The following ARHGEF37 variants were observed in gnomAD, a reference collection of about 807,000 sequenced individuals.
ARHGEF37 encodes Rho guanine nucleotide exchange factor (GEF) 37.
Under a neutral mutation model 71.1 loss-of-function variants are expected in ARHGEF37, and 55 were observed. The ratio of observed to expected loss-of-function variants is 0.77; its 90% CI spans 0.62 to 0.97. The LOEUF is 0.97. Among genes scored for constraint, ARHGEF37 ranks in the 50% least tolerant of loss-of-function variants. ARHGEF37 has a pLI of 0.00. For missense variants in ARHGEF37, 765 were observed against 836.8 expected (o/e 0.91, Z 1.06); for synonymous variants, 327 against 350.6 (o/e 0.93, Z 0.75).
At chr5:149,610,915 T>C (rs966641310) in intron 4 of ARHGEF37, among the ~76,000 whole-genome samples, 2 of 152,256 alleles carry the variant, frequency 1.3e-5, no homozygotes, top group African/African-American at 4.8e-5. Context: ...AGCTCATACT[T>C]CTGCATATTA....
At position 149,621,995 on chromosome 5, in the gene ARHGEF37, C is replaced by T; in HGVS notation, c.1268C>T (p.Thr423Ile). 1 of 1,614,174 alleles carries T rather than the reference C, an allele frequency of 6.2e-7. No individual in the cohort carries two copies. The highest frequency in any genetic ancestry group is 2.2e-5 in the East Asian group (1 of 44,888). The change falls in exon 9 of 13, where the codon ACA (threonine) becomes ATA (isoleucine). Residue 423 changes from threonine (T) to isoleucine (I), a missense_variant. Thr to Ile is a moderately conservative substitution (Grantham distance 89, BLOSUM62 -1). Around this residue, in one of 5 missense-constraint regions of ARHGEF37, gnomAD observed 390 missense variants for 407.4 expected, o/e 0.96. Coordinates refer to ENST00000333677, the MANE Select transcript of ARHGEF37 (RefSeq NM_001001669.3). Reference protein sequence around the residue: ...VMQWLGQIMCTFVTLQRDLAK... With the variant: ...VMQWLGQIMCIFVTLQRDLAK... ...CAGTGGCTGGGCCAGATCATGTGCACATTCGTGACCCTCCAGAGGGACCTT... is the reference window on the plus strand; with the variant it reads ...CAGTGGCTGGGCCAGATCATGTGCATATTCGTGACCCTCCAGAGGGACCTT...
chr5:149,601,322 A>G (rs1763749639), intron 3 of ARHGEF37, 91 bp downstream of exon 3: 5 of 1,446,846 alleles, frequency 3.5e-6, no homozygotes, highest in Non-Finnish European at 4.7e-6. Flanking sequence ...CCAGAGTTCC[A>G]GAGAAATGCA....
chr5:149,618,330 A>G (rs1223453559), intron 6 of ARHGEF37, 24 bp downstream of exon 6: 2 of 1,613,782 alleles, frequency 1.2e-6, no homozygotes, highest in Non-Finnish European at 1.7e-6. Flanking sequence ...TGGGAGGAAG[A>G]GTCACATCCA....
At chr5:149,614,317 A>G (rs1443093960) in intron 4 of ARHGEF37, among the ~76,000 whole-genome samples, 2 of 152,048 alleles carry the variant, frequency 1.3e-5, no homozygotes, top group Non-Finnish European at 2.9e-5. Flanking sequence ...TGCCTCTCCA[A>G]GATCTTGCCA....
At chr5:149,600,792 A>C (rs536092301) in intron 2 of ARHGEF37, among the ~76,000 whole-genome samples, 1 of 152,122 alleles carries the variant, frequency 6.6e-6, no homozygotes, top group Non-Finnish European at 1.5e-5. Context: ...AGCACCCACC[A>C]CCATGCCGAG....
chr5:149,561,570 T>C (rs1175627192), intron 1 of ARHGEF37, among the ~76,000 whole-genome samples: 5 of 152,160 alleles, frequency 3.3e-5, no homozygotes, highest in African/African-American at 9.7e-5. Context: ...AGGGAGGAAA[T>C]TCAAGTCATC....
rs886964784 is a variant in ARHGEF37 at position 149,632,552 on chromosome 5, G to A, written c.*361G>A. On this transcript the variant is annotated 3_prime_UTR_variant, in exon 13 of 13. Transcript: ENST00000333677. ...CCTGCCTGTGGGCGTGGGTCACACGGGATAATGTTACCTGCGTGCTGTGTG... is the reference window on the plus strand; with the variant it reads ...CCTGCCTGTGGGCGTGGGTCACACGAGATAATGTTACCTGCGTGCTGTGTG... The A allele has an allele frequency of 3.9e-6, 1 of 258,316 alleles. No individual in the cohort carries two copies. Among genetic ancestry groups the A allele is most frequent in the African/African-American group, 2.1e-5 (1 of 46,700 alleles). 16.0% of individuals were successfully genotyped at this position (258,316 alleles called of 1,614,324 possible).
At chr5:149,583,493 C>G (rs911522538) in intron 1 of ARHGEF37, among the ~76,000 whole-genome samples, 5 of 152,112 alleles carry the variant, frequency 3.3e-5, no homozygotes, top group Non-Finnish European at 7.4e-5. Context: ...CTGAGCAGCA[C>G]CCACCCTTAT....
chr5:149,561,097 AC>A (rs1762822760), intron 1 of ARHGEF37, among the ~76,000 whole-genome samples: 1 of 151,832 alleles, frequency 6.6e-6, no homozygotes, highest in African/African-American at 2.4e-5. Flanking sequence ...ACATGGTGAA[AC>A]CCCTTCTCTA....
intron 3 of ARHGEF37, among the ~76,000 whole-genome samples, chr5:149,604,951 G>C (rs1763875169): frequency 6.6e-6 from 1 of 151,912 alleles, no homozygotes; most frequent in Non-Finnish European, 1.5e-5. Flanking sequence ...GGGAGACTGG[G>C]CATGGTGGCT....
intron 11 of ARHGEF37, among the ~76,000 whole-genome samples, chr5:149,627,873 G>T (rs1422478412): frequency 1.3e-5 from 2 of 152,278 alleles, no homozygotes; most frequent in South Asian, 2.1e-4. Context: ...TGAGATTATT[G>T]TCAGGGGATC....
chr5:149,621,969 G>C lies in ARHGEF37; in HGVS notation c.1242G>C (p.Met414Ile), dbSNP rs1268793978. The change falls in exon 9 of 13, where the codon ATG becomes ATC. Residue 414 changes from methionine (M) to isoleucine (I), a missense_variant. Met to Ile is a conservative substitution (Grantham distance 10). Coordinates refer to ENST00000333677, the MANE Select transcript of ARHGEF37 (RefSeq NM_001001669.3). The stretch of plus-strand genomic sequence containing the variant: ...TCCCACAGTTTAACCAGCTGGTCAT[G>C]CAGTGGCTGGGCCAGATCATGTGCA... ...AELPQFNQLV[M>I]QWLGQIMCTF... is the part of the protein sequence containing the mutation. 6.2e-7 allele frequency: 1 copy of C among 1,614,238 alleles called. No homozygotes were observed. Among genetic ancestry groups the C allele is most frequent in the Admixed American group, 1.7e-5 (1 of 60,030 alleles).
At position 149,633,122 on chromosome 5, in the gene ARHGEF37, G is replaced by C. The variant is rs577210162; in HGVS notation, c.*931G>C. ...CCCTGAGGTCCTGGAGGCAGCCGTGGATGTGATGCAATTGGCTGTGGGACC... is the reference window on the plus strand; with the variant it reads ...CCCTGAGGTCCTGGAGGCAGCCGTGCATGTGATGCAATTGGCTGTGGGACC... On this transcript the variant is annotated 3_prime_UTR_variant, in exon 13 of 13. Coordinates refer to ENST00000333677, the MANE Select transcript of ARHGEF37 (RefSeq NM_001001669.3). 1 of 152,588 alleles carries C rather than the reference G, an allele frequency of 6.6e-6. No homozygotes were observed. Among genetic ancestry groups the C allele is most frequent in the South Asian group, 2.1e-4 (1 of 4,828 alleles). 9.5% of individuals were successfully genotyped at this position (152,588 alleles called of 1,614,324 possible).
chr5:149,624,303 G>T lies in ARHGEF37; in HGVS notation c.1464+163G>T, dbSNP rs561602827. On this transcript the variant is annotated intron_variant, in intron 10 of 12. Coordinates refer to ENST00000333677, the MANE Select transcript of ARHGEF37 (RefSeq NM_001001669.3). ...TCTCCTTTCTATTTGAGCTGGGGTG[G>T]GGGGACACACCCAGATACATACACA... is the stretch of plus-strand genomic sequence containing the variant. Among the ~76,000 whole-genome samples the T allele has an allele frequency of 3.7e-4, 56 of 152,208 alleles. No individual in the cohort carries two copies. The East Asian group carries it at 9.8e-3, about 27-fold the overall frequency.
chr5:149,591,042 A>G (rs1213717377), intron 1 of ARHGEF37, among the ~76,000 whole-genome samples: 1 of 152,176 alleles, frequency 6.6e-6, no homozygotes, highest in African/African-American at 2.4e-5. Flanking sequence ...ATGAGTGAAT[A>G]GTACAGAGGA....
At chr5:149,571,514 C>T (rs570231099) in intron 1 of ARHGEF37, among the ~76,000 whole-genome samples, 1 of 152,188 alleles carries the variant, frequency 6.6e-6, no homozygotes, top group Admixed American at 6.5e-5. Context: ...ATACAGTGCA[C>T]GTTTATGGAT....
chr5:149,609,580 G>C lies in ARHGEF37; in HGVS notation c.343G>C (p.Glu115Gln). The C allele has an allele frequency of 6.2e-7, 1 of 1,614,042 alleles. No homozygotes were observed. The highest frequency in any genetic ancestry group is 8.5e-7 in the Non-Finnish European group (1 of 1,180,018). Residue 115 changes from glutamate to glutamine, a missense_variant, in exon 4 of 13, where the codon GAG becomes CAG. By Grantham distance (29) the Glu-to-Gln change is conservative. Around this residue, in one of 5 missense-constraint regions of ARHGEF37, gnomAD observed 201 missense variants for 217.5 expected, o/e 0.92. Transcript: ENST00000333677. ...ATTTCTGGAATTCCAAGAGGAGTTG[G>C]AGCAAGTCTATAAGGTCTACTGTGC... ...NIFLEFQEEL[E>Q]QVYKVYCASY...
At position 149,583,388 on chromosome 5, in the gene ARHGEF37, G is replaced by A. The variant is rs960331296; in HGVS notation, c.-12+1764G>A. Among the ~76,000 whole-genome samples, 5 of 152,276 alleles carry A rather than the reference G, an allele frequency of 3.3e-5. No homozygotes were observed. The East Asian group carries it at 9.7e-4, about 29-fold the overall frequency. ...CTGAGCTCAGGCAATTGCCTACCTCGGCCTCCCAAAGTGCTGGGATTACAG... is the reference window on the plus strand; with the variant it reads ...CTGAGCTCAGGCAATTGCCTACCTCAGCCTCCCAAAGTGCTGGGATTACAG... On this transcript the variant is annotated intron_variant, in intron 1 of 12. Transcript: ENST00000333677.
chr5:149,604,884 T>C (rs1763870491), intron 3 of ARHGEF37, among the ~76,000 whole-genome samples: 1 of 151,314 alleles, frequency 6.6e-6, no homozygotes, highest in African/African-American at 2.4e-5. Flanking sequence ...GGTTTCGCCA[T>C]GTTGGCCAGG....
Sources: allele counts gnomAD v4.1 joint callset (sites outside exome capture counted in the v4.1 genomes callset), GRCh38; gene constraint gnomAD v4.1.1; regional missense constraint gnomAD v4.1.1; transcripts MANE v1.5; gene names NCBI Gene and HGNC (gene_info 2026-07-23, HGNC 2026-07-21).